SMAD4: variants seen among roughly 807,000 people sequenced by gnomAD.
SMAD4 encodes the protein SMAD family member 4.
Under a neutral mutation model 63.2 loss-of-function variants are expected in SMAD4, and 7 were observed. That is an observed-to-expected ratio of 0.11 (90% CI 0.06 to 0.21). The LOEUF is 0.21. Among genes scored for constraint, SMAD4 ranks in the 10% least tolerant of loss-of-function variants. The pLI, the probability that SMAD4 is intolerant of heterozygous loss-of-function variation, is 1.00. For missense variants in SMAD4, 312 were observed against 693.8 expected (o/e 0.45, Z 6.18); for synonymous variants, 215 against 235.4 (o/e 0.91, Z 0.79).
chr18:51,038,108 CAT>C (rs1287138799), intron 1 of SMAD4, among the ~76,000 whole-genome samples: 1 of 152,042 alleles, frequency 6.6e-6, no homozygotes, highest in African/African-American at 2.4e-5. Context: ...TCTACAATAA[CAT>C]ATAAAAATTA....
chr18:51,061,773 G>A (rs746693065), intron 8 of SMAD4, among the ~76,000 whole-genome samples: 2 of 152,024 alleles, frequency 1.3e-5, no homozygotes, highest in African/African-American at 2.4e-5. Flanking sequence ...TCCAGTAAAG[G>A]TTTTTAAAAC....
At chr18:51,042,021 C>T (rs986892666) in intron 1 of SMAD4, among the ~76,000 whole-genome samples, 3 of 152,212 alleles carry the variant, frequency 2.0e-5, no homozygotes, top group Admixed American at 2.0e-4. Context: ...TTGGGTCTTC[C>T]AGATTAGTAG....
intron 4 of SMAD4, among the ~76,000 whole-genome samples, chr18:51,050,783 G>A (rs755680175): frequency 1.9e-4 from 29 of 151,906 alleles, no homozygotes; most frequent in Non-Finnish European, 4.1e-4. Flanking sequence ...GAAATACTAG[G>A]TGACCTTAAC....
At position 51,055,707 on chromosome 18, in the gene SMAD4, AT is replaced by A. The variant is rs1264925914; in HGVS notation, c.667+726del. 9.4e-3 allele frequency among the ~76,000 whole-genome samples: 1,234 copies of A among 131,504 alleles called. 11 individuals are homozygous for A. Among genetic ancestry groups the A allele is most frequent in the African/African-American group, 0.031 (1,091 of 35,766 alleles). The allele number at this position is 131,504 out of a possible 152,430, so 86.3% of individuals were successfully genotyped here. A position where few individuals can be genotyped will look rare whatever the true frequency, so the allele number is the denominator to read the frequency against. ...TGGCAAATGAAGTAGCTTTTTTTTC[AT>A]TTTTTTTTTTTCAATTAATCATAGA... On this transcript the variant is annotated intron_variant, in intron 5 of 11. Coordinates refer to ENST00000342988, the MANE Select transcript of SMAD4 (RefSeq NM_005359.6).
intron 8 of SMAD4, 137 bp downstream of exon 8, chr18:51,060,053 A>G (rs1018953219): frequency 1.9e-5 from 14 of 719,790 alleles, no homozygotes; most frequent in South Asian, 7.4e-5. Flanking sequence ...GAGTTAATCA[A>G]CAGTTTGAGT....
In SMAD4 at chr18:51,060,849, G is replaced by C. The variant is rs189557152; in HGVS notation, c.955+933G>C. 1.2e-4 allele frequency among the ~76,000 whole-genome samples: 18 copies of C among 152,072 alleles called. 1 individual carries two copies. The East Asian group carries it at 3.5e-3, about 29-fold the overall frequency. On this transcript the variant is annotated intron_variant, in intron 8 of 11. Coordinates refer to ENST00000342988, the MANE Select transcript of SMAD4 (RefSeq NM_005359.6). ...GGGTCTCACCATGTTGCCCAGGCTG[G>C]TCTCGAACTCCTGGGCTAAAGCAGT...
At position 51,076,571 on chromosome 18, in the gene SMAD4, G is replaced by C. The variant is rs79051374; in HGVS notation, c.1309-67G>C. On this transcript the variant is annotated intron_variant, in intron 10 of 11. Transcript: ENST00000342988. Reference sequence around the variant, plus strand: ...TGAAACTGAGTTTTAAATAAGTCAGGCATTGGTTTTTAATGTATGGAATTT... The same window carrying C: ...TGAAACTGAGTTTTAAATAAGTCAGCCATTGGTTTTTAATGTATGGAATTT... 2,555 of 1,390,876 alleles carry C rather than the reference G, an allele frequency of 1.8e-3. 40 individuals are homozygous for C. In the African/African-American group the frequency reaches 0.033, roughly 18 times the overall value. 86.2% of individuals were successfully genotyped at this position (1,390,876 alleles called of 1,614,324 possible).
intron 11 of SMAD4, among the ~76,000 whole-genome samples, chr18:51,077,956 T>G (rs925936654): frequency 2.6e-5 from 4 of 152,234 alleles, no homozygotes; most frequent in African/African-American, 9.6e-5. Flanking sequence ...AAGTTGTTTC[T>G]TATCCCTTCA....
At chr18:51,044,493 G>A (rs1359514324) in intron 1 of SMAD4, among the ~76,000 whole-genome samples, 3 of 152,170 alleles carry the variant, frequency 2.0e-5, no homozygotes, top group Non-Finnish European at 4.4e-5. Flanking sequence ...CCAAGGCTCA[G>A]GTGATCTTCC....
chr18:51,059,380 G>A (rs529188887), intron 7 of SMAD4, among the ~76,000 whole-genome samples: 3 of 152,300 alleles, frequency 2.0e-5, no homozygotes, highest in South Asian at 4.1e-4. Context: ...AGGGGTGTTC[G>A]TAAGAAGTAA....
chr18:51,036,448 A>G (rs935277509), intron 1 of SMAD4, among the ~76,000 whole-genome samples: 1 of 152,170 alleles, frequency 6.6e-6, no homozygotes, highest in African/African-American at 2.4e-5. Flanking sequence ...TGAAAGGATG[A>G]CCGGAAATAA....
intron 1 of SMAD4, among the ~76,000 whole-genome samples, chr18:51,046,094 T>C (rs1408633879): frequency 2.0e-5 from 3 of 152,330 alleles, no homozygotes; most frequent in East Asian, 3.9e-4. Context: ...CAGGTTTGTG[T>C]GGACATGGGT....
chr18:51,070,455 C>A (rs1197132736), intron 10 of SMAD4, among the ~76,000 whole-genome samples: 1 of 152,090 alleles, frequency 6.6e-6, no homozygotes, highest in Non-Finnish European at 1.5e-5. Context: ...TTAAAAAAAT[C>A]TCATTTGTGT....
rs28539779 is a variant in SMAD4 at position 51,065,650 on chromosome 18, T to G, written c.1139+44T>G. The stretch of plus-strand genomic sequence containing the variant: ...GATAGTTACTTTAAAAAATTGAGCA[T>G]AGTACATTGTCTTTTATTCAAGGTT... On this transcript the variant is annotated intron_variant, in intron 9 of 11. Transcript: ENST00000342988. 12 of 1,485,540 alleles carry G rather than the reference T, an allele frequency of 8.1e-6. No homozygotes were observed. The South Asian group carries it at 1.1e-4, about 14-fold the overall frequency. The allele number at this position is 1,485,540 out of a possible 1,614,324, so 92.0% of individuals were successfully genotyped here.
chr18:51,045,486 C>T (rs112355739), intron 1 of SMAD4, among the ~76,000 whole-genome samples: 99 of 152,234 alleles, frequency 6.5e-4, no homozygotes, highest in Non-Finnish European at 9.9e-4. Flanking sequence ...GTCTTGGGAT[C>T]AGATAAGTTA....
chr18:51,035,723 C>A (rs1340624089), intron 1 of SMAD4, among the ~76,000 whole-genome samples: 1 of 152,166 alleles, frequency 6.6e-6, no homozygotes, highest in African/African-American at 2.4e-5. Context: ...GCTAGTACTT[C>A]TGTAGAGATC....
Position 51,058,134 on chromosome 18 carries a change from C to T in SMAD4, c.677C>T (p.Ala226Val), listed in dbSNP as rs539739051. 104 of 1,614,086 alleles carry T rather than the reference C, an allele frequency of 6.4e-5. No individual in the cohort carries two copies. Among genetic ancestry groups the T allele is most frequent in the Admixed American group, 2.7e-4 (16 of 60,016 alleles). The change falls in exon 6 of 12, where the codon GCC becomes GTC. Residue 226 changes from alanine (A) to valine (V), a missense_variant. This residue lies in a region of SMAD4 where 169 missense variants were observed against 211.0 expected (regional missense o/e 0.80). Coordinates refer to ENST00000342988, the MANE Select transcript of SMAD4 (RefSeq NM_005359.6). Reference protein sequence around the residue: ...NIPVASTSQPASILGGSHSEG... With the variant: ...NIPVASTSQPVSILGGSHSEG... ...CTTCTTGTTCCTCTAGGTCAGCCTGCCAGTATACTGGGGGGCAGCCATAGT... is the reference window on the plus strand; with the variant it reads ...CTTCTTGTTCCTCTAGGTCAGCCTGTCAGTATACTGGGGGGCAGCCATAGT...
At chr18:51,059,779 GTTATA>G in intron 7 of SMAD4, 82 bp from the exon 8 acceptor site, 1 of 977,188 alleles carries the variant, frequency 1.0e-6, no homozygotes, top group African/African-American at 1.6e-5. Context: ...ACCTATAATA[GTTATA>G]TTTAAGTAAG....
chr18:51,082,699 A>G lies in SMAD4; in HGVS notation c.*4232A>G, dbSNP rs1469659644. The G allele has an allele frequency of 4.3e-6, 1 of 230,612 alleles. No individual in the cohort carries two copies. The highest frequency in any genetic ancestry group is 2.2e-5 in the African/African-American group (1 of 44,990). The allele number at this position is 230,612 out of a possible 1,614,324, so 14.3% of individuals were successfully genotyped here. On this transcript the variant is annotated 3_prime_UTR_variant, in exon 12 of 12. Coordinates refer to ENST00000342988, the MANE Select transcript of SMAD4 (RefSeq NM_005359.6). ...GACAGGACTGTGTTGCCTTTACTAAATGGTCTGAGACAGCTATGGTTTTGA... is the reference window on the plus strand; with the variant it reads ...GACAGGACTGTGTTGCCTTTACTAAGTGGTCTGAGACAGCTATGGTTTTGA...
Sources: allele counts gnomAD v4.1 joint callset (sites outside exome capture counted in the v4.1 genomes callset), GRCh38; gene constraint gnomAD v4.1.1; regional missense constraint gnomAD v4.1.1; transcripts MANE v1.5; gene names NCBI Gene and HGNC (gene_info 2026-07-23, HGNC 2026-07-21).